Variants in NLGN1 observed in about 807,000 individuals in gnomAD.
The protein encoded by NLGN1 is neuroligin-1.
A neutral mutation model predicts 65.5 loss-of-function variants in NLGN1; 12 were observed. The observed-to-expected ratio is 0.18, with a 90% CI of 0.12 to 0.30. The LOEUF is 0.30. Among genes scored for constraint, NLGN1 ranks in the 10% least tolerant of loss-of-function variants. The pLI, the probability that NLGN1 is intolerant of heterozygous loss-of-function variation, is 1.00. For synonymous variants in NLGN1, 350 were observed against 359.5 expected (o/e 0.97, Z 0.30); for missense variants, 750 against 1,007.1 (o/e 0.74, Z 3.46).
At chr3:173,702,370 A>T (rs530900067) in intron 3 of NLGN1, among the ~76,000 whole-genome samples, 104 of 152,166 alleles carry the variant, frequency 6.8e-4, no homozygotes, top group African/African-American at 2.3e-3. Context: ...GCTAAGTTAC[A>T]GACTAGGCGA....
intron 5 of NLGN1, among the ~76,000 whole-genome samples, chr3:174,276,101 T>C (rs541936150): frequency 2.0e-5 from 3 of 151,818 alleles, no homozygotes; most frequent in Non-Finnish European, 4.4e-5. Flanking sequence ...AAAAGAAAAA[T>C]ACATTTGATT....
At chr3:174,008,834 A>T (rs886725078) in intron 4 of NLGN1, among the ~76,000 whole-genome samples, 7 of 150,786 alleles carry the variant, frequency 4.6e-5, no homozygotes, top group Non-Finnish European at 8.9e-5. Flanking sequence ...TTAAAAAAAA[A>T]TCTCTTCTCA....
chr3:173,691,441 A>G (rs1413007795), intron 3 of NLGN1, among the ~76,000 whole-genome samples: 2 of 152,142 alleles, frequency 1.3e-5, no homozygotes, highest in African/African-American at 4.8e-5. Context: ...AGTTTTGTTC[A>G]GTAGCTGCAG....
intron 4 of NLGN1, among the ~76,000 whole-genome samples, chr3:174,086,324 T>C (rs1743381920): frequency 6.6e-6 from 1 of 150,506 alleles, no homozygotes; most frequent in African/African-American, 2.4e-5. Context: ...TATATATATA[T>C]ATTTATGTAT....
chr3:174,043,783 G>A (rs1289697200), intron 4 of NLGN1, among the ~76,000 whole-genome samples: 2 of 152,226 alleles, frequency 1.3e-5, no homozygotes, highest in Non-Finnish European at 1.5e-5. Flanking sequence ...TCTGGAGGAT[G>A]GAGGCCCTCT....
chr3:174,286,436 C>A (rs750041606), exon 7 of NLGN1: 3 of 151,426 alleles, frequency 2.0e-5, no homozygotes, highest in Non-Finnish European at 4.4e-5. Flanking sequence ...GAGTTGACAT[C>A]TAAACTAGAT....
At chr3:173,873,037 A>C (rs1448499897) in intron 4 of NLGN1, among the ~76,000 whole-genome samples, 2 of 151,984 alleles carry the variant, frequency 1.3e-5, no homozygotes, top group Non-Finnish European at 2.9e-5. Flanking sequence ...TGGGGCTGGC[A>C]CGTGAAGGAA....
At chr3:173,695,576 A>G (rs950573149) in intron 3 of NLGN1, 7 of 345,546 alleles carry the variant, frequency 2.0e-5, no homozygotes, top group Non-Finnish European at 4.0e-5. Context: ...CTATACTAGC[A>G]TGCTAACTAT....
intron 2 of NLGN1, among the ~76,000 whole-genome samples, chr3:173,596,248 A>G (rs559375455): frequency 6.6e-6 from 1 of 152,166 alleles, no homozygotes; most frequent in Non-Finnish European, 1.5e-5. Flanking sequence ...GGGAAAGAGA[A>G]CAAATAGAAC....
chr3:174,086,284 A>ATATATATATATTTATGTATGTGCATAAAT (rs1743322102), intron 4 of NLGN1, among the ~76,000 whole-genome samples: 1 of 5,808 alleles, frequency 1.7e-4, no homozygotes, highest in African/African-American at 5.4e-4. Context: ...TATGTGCATA[A>ATATATATATATTTATGTATGTGCATAAAT]ATATATATAT....
At chr3:173,932,503 AT>A (rs1352322811) in intron 4 of NLGN1, among the ~76,000 whole-genome samples, 5 of 134,090 alleles carry the variant, frequency 3.7e-5, no homozygotes, top group African/African-American at 9.5e-5. Flanking sequence ...GGTGCACATT[AT>A]TTAAAAAAAA....
chr3:173,451,497 C>T (rs1202709666), intron 2 of NLGN1, among the ~76,000 whole-genome samples: 1 of 152,212 alleles, frequency 6.6e-6, no homozygotes, highest in Non-Finnish European at 1.5e-5. Flanking sequence ...AGTTAGGCTA[C>T]TCGGGGGTCA....
chr3:173,519,063 TAC>T (rs528244136), intron 2 of NLGN1, among the ~76,000 whole-genome samples: 120 of 152,212 alleles, frequency 7.9e-4, no homozygotes, highest in Non-Finnish European at 8.5e-4. Flanking sequence ...GGGGCCCAGC[TAC>T]AGCTCAGGTC....
At chr3:174,033,912 T>C (rs1730562818) in intron 4 of NLGN1, among the ~76,000 whole-genome samples, 1 of 152,144 alleles carries the variant, frequency 6.6e-6, no homozygotes, top group Non-Finnish European at 1.5e-5. Context: ...TCAGGAACTT[T>C]ACAAAATTAG....
chr3:173,408,957 T>C (rs1202108327), intron 1 of NLGN1, among the ~76,000 whole-genome samples: 1 of 151,636 alleles, frequency 6.6e-6, no homozygotes, highest in Non-Finnish European at 1.5e-5. Context: ...CTGCCAGTTG[T>C]AACTCAAAAT....
At position 174,052,952 on chromosome 3, in the gene NLGN1, G is replaced by A. The variant is rs561910601; in HGVS notation, c.647-222363G>A. Among the ~76,000 whole-genome samples, 6 of 152,106 alleles carry A rather than the reference G, an allele frequency of 3.9e-5. No homozygotes were observed. The South Asian group carries it at 1.2e-3, about 32-fold the overall frequency. On this transcript the variant is annotated intron_variant, in intron 4 of 6. Transcript: ENST00000457714. ...CTACAAAATAGATGCGGCAGTAAAT[G>A]TTTTACAACTAGCTAATTGCTACCT...
At chr3:173,934,928 G>C (rs1744778956) in intron 4 of NLGN1, among the ~76,000 whole-genome samples, 1 of 151,982 alleles carries the variant, frequency 6.6e-6, no homozygotes, top group African/African-American at 2.4e-5. Flanking sequence ...CTCTATCCTA[G>C]TATTTTGTTT....
chr3:173,755,956 A>T (rs1777050488), intron 3 of NLGN1, among the ~76,000 whole-genome samples: 1 of 152,262 alleles, frequency 6.6e-6, no homozygotes, highest in Middle Eastern at 3.4e-3. Context: ...CAATTGTATC[A>T]TTGGTAAAAT....
At chr3:173,400,243 A>C (rs1182922882) in intron 1 of NLGN1, among the ~76,000 whole-genome samples, 1 of 152,174 alleles carries the variant, frequency 6.6e-6, no homozygotes, top group Non-Finnish European at 1.5e-5. Context: ...CCAGTCTTCT[A>C]GACTTAATAT....
Sources: allele counts gnomAD v4.1 joint callset (sites outside exome capture counted in the v4.1 genomes callset), GRCh38; gene constraint gnomAD v4.1.1; transcripts MANE v1.5; gene names NCBI Gene and HGNC (gene_info 2026-07-23, HGNC 2026-07-21).